The following MAST4 variants were observed in gnomAD, a reference collection of about 807,000 sequenced individuals.
MAST4 encodes microtubule associated serine/threonine kinase family member 4, also known as microtubule-associated serine/threonine-protein kinase 4.
In MAST4, 89 loss-of-function variants were observed where a neutral mutation model predicts 162.7. That is an observed-to-expected ratio of 0.55 (90% confidence interval 0.46 to 0.65). MAST4 has a LOEUF of 0.65. Ranked by LOEUF, MAST4 falls within the 30% of genes least tolerant of loss-of-function variation. The pLI, the probability that MAST4 is intolerant of heterozygous loss-of-function variation, is 0.00. For missense variants in MAST4, 3,153 were observed against 3,374.0 expected, an observed-to-expected ratio of 0.93 and a Z score of 1.62; for synonymous variants, 1,479 against 1,361.1, an observed-to-expected ratio of 1.09 and a Z score of -1.91.
intron 4 of MAST4, among the ~76,000 whole-genome samples, chr5:67,004,266 G>T (rs1751677205): frequency 6.6e-6 from 1 of 152,118 alleles, no homozygotes; most frequent in African/African-American, 2.4e-5. Flanking sequence ...GGGCTGGTGG[G>T]GGGTGGGGGA....
chr5:66,830,792 T>A (rs1313193136), intron 3 of MAST4, among the ~76,000 whole-genome samples: 1 of 152,206 alleles, frequency 6.6e-6, no homozygotes. Context: ...TTACCACACA[T>A]GTCACTGTAG....
chr5:67,049,574 C>T (rs1006508731), intron 4 of MAST4, among the ~76,000 whole-genome samples: 2 of 152,102 alleles, frequency 1.3e-5, no homozygotes, highest in Non-Finnish European at 2.9e-5. Context: ...TGATGGGTCT[C>T]CTGTGCAAAT....
At chr5:66,627,810 G>A (rs374472207) in intron 1 of MAST4, among the ~76,000 whole-genome samples, 2 of 151,954 alleles carry the variant, frequency 1.3e-5, no homozygotes, top group East Asian at 1.9e-4. Flanking sequence ...TGTGACTGTG[G>A]GATCTTGCAT....
In MAST4 at chr5:66,841,704, T is replaced by C. The variant is rs1214698101; in HGVS notation, c.642+52910T>C. Reference sequence around the variant, plus strand: ...CAAAGGCCCCATCTCTAAATGTTAATACCATCACTTTGTGGATTAGGGCAT... The same window carrying C: ...CAAAGGCCCCATCTCTAAATGTTAACACCATCACTTTGTGGATTAGGGCAT... On this transcript the variant is annotated intron_variant, in intron 3 of 28. Transcript: ENST00000403625. Among the ~76,000 whole-genome samples the C allele has an allele frequency of 5.3e-5, 8 of 152,264 alleles. No individual in the cohort carries two copies. The East Asian group carries it at 9.6e-4, about 18-fold the overall frequency.
At chr5:66,778,573 AAAAG>A (rs1463617260) in intron 2 of MAST4, among the ~76,000 whole-genome samples, 6 of 152,246 alleles carry the variant, frequency 3.9e-5, no homozygotes, top group South Asian at 4.1e-4. Flanking sequence ...AAGGGAAAGT[AAAAG>A]AAAGGTCAAA....
intron 1 of MAST4, among the ~76,000 whole-genome samples, chr5:66,753,637 T>G (rs1485339442): frequency 6.6e-6 from 1 of 151,394 alleles, no homozygotes; most frequent in Non-Finnish European, 1.5e-5. Flanking sequence ...AATAACAGGC[T>G]CTGAAATTGT....
chr5:67,005,652 C>A (rs765931932), intron 4 of MAST4, among the ~76,000 whole-genome samples: 4 of 152,036 alleles, frequency 2.6e-5, no homozygotes, highest in Admixed American at 6.6e-5. Context: ...CATTTTGTAA[C>A]GTATATTTGA....
chr5:67,004,937 C>A, intron 4 of MAST4: 1 of 697,050 alleles, frequency 1.4e-6, no homozygotes, highest in East Asian at 2.6e-5. Context: ...TTTTTTTTAC[C>A]TCTCCCCATT....
At chr5:67,006,661 C>CTTCTTT (rs1561525320) in intron 4 of MAST4, among the ~76,000 whole-genome samples, 58 of 152,260 alleles carry the variant, frequency 3.8e-4, no homozygotes, top group Admixed American at 1.4e-3. Context: ...GCAGTTGGAG[C>CTTCTTT]CTTTCTTCTT....
intron 1 of MAST4, among the ~76,000 whole-genome samples, chr5:66,735,236 A>G (rs1752088284): frequency 6.6e-6 from 1 of 152,210 alleles, no homozygotes; most frequent in Non-Finnish European, 1.5e-5. Context: ...AACTACAGAA[A>G]TTGTTTTATA....
chr5:66,998,770 C>A (rs902278637), intron 4 of MAST4, among the ~76,000 whole-genome samples: 1 of 152,144 alleles, frequency 6.6e-6, no homozygotes, highest in Non-Finnish European at 1.5e-5. Flanking sequence ...AAAGCCCCTG[C>A]CCTCAAGGAG....
At chr5:66,845,207 T>G (rs1356263577) in intron 3 of MAST4, among the ~76,000 whole-genome samples, 6 of 149,336 alleles carry the variant, frequency 4.0e-5, no homozygotes, top group Non-Finnish European at 1.5e-5. Flanking sequence ...CCGTGTTGGT[T>G]TGCTGCACCC....
intron 5 of MAST4, among the ~76,000 whole-genome samples, chr5:67,062,524 T>C (rs917776059): frequency 1.4e-4 from 22 of 152,194 alleles, no homozygotes; most frequent in African/African-American, 4.8e-4. Context: ...TTCCCAAATG[T>C]TTGAACCTGC....
At chr5:67,062,056 T>A (rs1016387511) in intron 5 of MAST4, among the ~76,000 whole-genome samples, 10 of 152,166 alleles carry the variant, frequency 6.6e-5, no homozygotes, top group Admixed American at 2.0e-4. Flanking sequence ...GAGAACAATT[T>A]AGTCATTAGA....
chr5:66,868,065 T>TATAGGATC (rs1401770862), intron 3 of MAST4, among the ~76,000 whole-genome samples: 6 of 152,246 alleles, frequency 3.9e-5, no homozygotes, highest in Admixed American at 3.9e-4. Context: ...AAACCTGTTA[T>TATAGGATC]ATAGGATCAT....
chr5:66,826,753 A>G (rs191289726), intron 3 of MAST4, among the ~76,000 whole-genome samples: 1 of 152,282 alleles, frequency 6.6e-6, no homozygotes, highest in East Asian at 1.9e-4. Context: ...TTTTGCTTTT[A>G]AAAATTGAGC....
chr5:66,955,525 C>T (rs902298668), intron 4 of MAST4, among the ~76,000 whole-genome samples: 2 of 152,242 alleles, frequency 1.3e-5, no homozygotes, highest in South Asian at 4.1e-4. Flanking sequence ...TTCAAACATA[C>T]ACTGAAGTAC....
In MAST4 at chr5:67,162,655, C is replaced by G; in HGVS notation, c.3834C>G (p.Leu1278=). 6.2e-7 allele frequency: 1 copy of G among 1,613,958 alleles called. No homozygotes were observed. Among genetic ancestry groups the G allele is most frequent in the South Asian group, 1.1e-5 (1 of 91,076 alleles). ...TAGCCAAGCAGCCTTCTCCTTTACT[C>G]CACACCAGCCGAAGTTTCTCCTGCT... is the stretch of plus-strand genomic sequence containing the variant. ...KKLAKQPSPL[L]HTSRSFSCLN... The change falls in exon 28 of 29, where the codon CTC becomes CTG. Residue 1278 remains leucine (L), a synonymous_variant. Coordinates refer to ENST00000403625, the MANE Select transcript of MAST4 (RefSeq NM_001164664.2).
At chr5:67,044,029 G>A (rs532303913) in intron 4 of MAST4, among the ~76,000 whole-genome samples, 3 of 152,284 alleles carry the variant, frequency 2.0e-5, no homozygotes, top group East Asian at 1.9e-4. Flanking sequence ...GGTCATAGCC[G>A]CTGTTTATCC....
Sources: gnomAD v4.1 joint callset for allele counts (sites outside exome capture counted in the v4.1 genomes callset) on GRCh38, gnomAD v4.1.1 for gene constraint, MANE v1.5 for transcripts, NCBI Gene and HGNC (gene_info 2026-07-23, HGNC 2026-07-21) for gene names.